TRABD2A: variants seen among roughly 807,000 people sequenced by gnomAD.
TRABD2A encodes TraB domain containing 2A, also known as metalloprotease TIKI1.
TRABD2A carries 43 observed loss-of-function variants against 45.6 expected under a neutral mutation model. The observed-to-expected ratio is 0.94, with a 90% CI of 0.74 to 1.22. TRABD2A has a LOEUF of 1.22. TRABD2A is among the 50% of genes most tolerant of loss of function. The pLI is 0.00. For missense variants in TRABD2A, 642 were observed against 652.4 expected (o/e 0.98, Z 0.17); for synonymous variants, 269 against 265.0 (o/e 1.02, Z -0.15).
intron 2 of TRABD2A, among the ~76,000 whole-genome samples, chr2:84,863,951 C>T (rs1377979944): frequency 1.3e-5 from 2 of 151,958 alleles, no homozygotes; most frequent in African/African-American, 4.8e-5. Context: ...CCATCTTCAA[C>T]CAACTTCCAA....
chr2:84,846,887 G>T (rs533657868), intron 2 of TRABD2A, among the ~76,000 whole-genome samples: 8 of 152,200 alleles, frequency 5.3e-5, no homozygotes, highest in Non-Finnish European at 1.2e-4. Context: ...GTGCCTGTTC[G>T]CACACTACCA....
chr2:84,868,118 A>T (rs1240463313), intron 2 of TRABD2A, among the ~76,000 whole-genome samples: 1 of 152,236 alleles, frequency 6.6e-6, no homozygotes, highest in African/African-American at 2.4e-5. Flanking sequence ...TCATGCTGCT[A>T]TAAAGGCACA....
Position 84,870,335 on chromosome 2 carries a change from C to T in TRABD2A, c.559G>A (p.Val187Ile). Reference protein sequence around the residue: ...EVDIKSRGVPVLDLFLAQEAE... With the variant: ...EVDIKSRGVPILDLFLAQEAE... ...TCCTGGGCAAGGAACAGGTCTAAGA[C>T]AGGCACTCCACGGGACTTAATGTCC... The change falls in exon 2 of 7, where the codon GTC becomes ATC. Residue 187 changes from valine to isoleucine, a missense_variant. Physicochemically the swap from Val to Ile is conservative, Grantham distance 29 (BLOSUM62 3). Coordinates refer to ENST00000409520, the MANE Select transcript of TRABD2A (RefSeq NM_001277053.2). 1.2e-6 allele frequency: 2 copies of T among 1,614,062 alleles called. No homozygotes were observed. The highest frequency in any genetic ancestry group is 2.2e-5 in the East Asian group (1 of 44,888).
At chr2:84,855,901 G>A (rs1223118024) in intron 2 of TRABD2A, among the ~76,000 whole-genome samples, 5 of 152,092 alleles carry the variant, frequency 3.3e-5, no homozygotes, top group African/African-American at 1.2e-4. Flanking sequence ...GCCCCCCAGC[G>A]AGTCTCTCCT....
At chr2:84,871,071 A>G (rs1682859578) in intron 1 of TRABD2A, among the ~76,000 whole-genome samples, 1 of 152,172 alleles carries the variant, frequency 6.6e-6, no homozygotes, top group South Asian at 2.1e-4. Context: ...ACCTCCAGAC[A>G]TTCTGATCTG....
intron 5 of TRABD2A, among the ~76,000 whole-genome samples, chr2:84,831,724 G>T (rs1433386468): frequency 1.3e-5 from 2 of 152,052 alleles, no homozygotes; most frequent in African/African-American, 4.8e-5. Context: ...AAGGACACTG[G>T]GCATTAAGCC....
chr2:84,848,800 C>T (rs1681991662), intron 2 of TRABD2A, among the ~76,000 whole-genome samples: 1 of 152,024 alleles, frequency 6.6e-6, no homozygotes, highest in Admixed American at 6.6e-5. Flanking sequence ...TCTTGAACTC[C>T]TGGCCTCAAG....
At chr2:84,823,371 C>T (rs1387024683) in intron 6 of TRABD2A, among the ~76,000 whole-genome samples, 1 of 152,184 alleles carries the variant, frequency 6.6e-6, no homozygotes, top group Non-Finnish European at 1.5e-5. Flanking sequence ...TCCGACACAA[C>T]AGCAGGCACA....
In TRABD2A at chr2:84,859,564, C is replaced by T. The variant is rs189812246; in HGVS notation, c.669+10661G>A. 2.8e-3 allele frequency among the ~76,000 whole-genome samples: 420 copies of T among 152,308 alleles called. 3 individuals carry two copies. The highest frequency in any genetic ancestry group is 4.6e-3 in the Non-Finnish European group (310 of 68,036). On this transcript the variant is annotated intron_variant, in intron 2 of 6. Coordinates refer to ENST00000409520, the MANE Select transcript of TRABD2A (RefSeq NM_001277053.2). ...TCTCATTGGTGGTATGGACAGCAGA[C>T]GCTATGAGTTCAGGAGAAAAGAGGG... is the stretch of plus-strand genomic sequence containing the variant.
chr2:84,846,714 A>G (rs1681910429), intron 2 of TRABD2A, among the ~76,000 whole-genome samples: 1 of 152,240 alleles, frequency 6.6e-6, no homozygotes, highest in African/African-American at 2.4e-5. Flanking sequence ...GATGTGGGGA[A>G]GTCTCTGGGG....
intron 6 of TRABD2A, among the ~76,000 whole-genome samples, chr2:84,823,426 G>A (rs928855903): frequency 1.3e-5 from 2 of 152,286 alleles, no homozygotes; most frequent in African/African-American, 4.8e-5. Flanking sequence ...CTGGATTCCT[G>A]CTCCCAGCCT....
rs549866331 is a variant in TRABD2A, at chr2:84,869,201, A to G, written c.669+1024T>C. 2.7e-4 allele frequency among the ~76,000 whole-genome samples: 41 copies of G among 152,378 alleles called. No individual in the cohort carries two copies. The South Asian group carries it at 8.5e-3, about 32-fold the overall frequency. ...TGTCAAGATCTGCTAAGGCTGAGCT[A>G]TTTGGATTAACAGTAATCTCAAATT... is the stretch of plus-strand genomic sequence containing the variant. On this transcript the variant is annotated intron_variant, in intron 2 of 6. Coordinates refer to ENST00000409520, the MANE Select transcript of TRABD2A (RefSeq NM_001277053.2).
At chr2:84,823,882 T>C in intron 6 of TRABD2A, 71 bp downstream of exon 6, 1 of 1,579,778 alleles carries the variant, frequency 6.3e-7, no homozygotes, top group Non-Finnish European at 8.6e-7. Context: ...GCAACCAGTG[T>C]GAGGGGCATT....
intron 1 of TRABD2A, chr2:84,879,450 G>A (rs1475241099): frequency 2.6e-5 from 8 of 303,822 alleles, no homozygotes; most frequent in Non-Finnish European, 3.9e-5. Context: ...CAAAGTGCTG[G>A]GATTACAGGA....
chr2:84,874,210 G>C (rs2105412810), intron 1 of TRABD2A, among the ~76,000 whole-genome samples: 1 of 152,152 alleles, frequency 6.6e-6, no homozygotes, highest in African/African-American at 2.4e-5. Flanking sequence ...AACTATTACT[G>C]GTCTAGAAAT....
chr2:84,861,081 CGATCGATTTACAGGGCCGTA>C (rs1682480387), intron 2 of TRABD2A, among the ~76,000 whole-genome samples: 1 of 152,052 alleles, frequency 6.6e-6, no homozygotes, highest in South Asian at 2.1e-4. Flanking sequence ...ATCAGCCTGG[CGATCGATTTACAGGGCCGTA>C]GATCGATTTA....
At chr2:84,831,349 A>C (rs1370702403) in intron 5 of TRABD2A, among the ~76,000 whole-genome samples, 1 of 152,118 alleles carries the variant, frequency 6.6e-6, no homozygotes, top group Non-Finnish European at 1.5e-5. Flanking sequence ...TAAATCACTC[A>C]GTCTGTGGTT....
intron 2 of TRABD2A, among the ~76,000 whole-genome samples, chr2:84,843,386 C>G (rs1036091726): frequency 1.6e-4 from 24 of 152,206 alleles, no homozygotes; most frequent in African/African-American, 5.8e-4. Flanking sequence ...CCAGCCCCAA[C>G]CCCTTTCTCC....
chr2:84,839,725 C>T (rs996489547), intron 3 of TRABD2A, among the ~76,000 whole-genome samples: 12 of 152,030 alleles, frequency 7.9e-5, no homozygotes, highest in Non-Finnish European at 1.2e-4. Context: ...ATTCTATTAC[C>T]GAAAACATGA....
Sources: gnomAD v4.1 joint callset for allele counts (sites outside exome capture counted in the v4.1 genomes callset) on GRCh38, gnomAD v4.1.1 for gene constraint, MANE v1.5 for transcripts, NCBI Gene and HGNC (gene_info 2026-07-23, HGNC 2026-07-21) for gene names.